The following PBX1 variants were observed in gnomAD, a reference collection of about 807,000 sequenced individuals.
The protein encoded by PBX1 is PBX homeobox 1.
Under a neutral mutation model 53.4 loss-of-function variants are expected in PBX1, and 6 were observed. The ratio of observed to expected loss-of-function variants is 0.11; its 90% CI spans 0.06 to 0.22. PBX1 has a LOEUF of 0.22. PBX1 is among the 10% of genes least tolerant of loss of function. The pLI is 1.00. For missense variants in PBX1, 251 were observed against 551.4 expected, an observed-to-expected ratio of 0.46 and a Z score of 5.46; for synonymous variants, 204 against 212.3, an observed-to-expected ratio of 0.96 and a Z score of 0.34.
chr1:164,724,405 A>G (rs542969596), intron 2 of PBX1, among the ~76,000 whole-genome samples: 6 of 152,312 alleles, frequency 3.9e-5, no homozygotes, highest in Admixed American at 2.0e-4. Context: ...CTGGGCCACA[A>G]TGGAAGAAGA....
At position 164,829,445 on chromosome 1, in the gene PBX1, A is replaced by G. The variant is rs374314159; in HGVS notation, c.1200+7819A>G. ...AAATGTTCTATTTTAGCACTGTCCA[A>G]TAAGTTAGCCTTTAGCAAAACATAG... On this transcript the variant is annotated intron_variant, in intron 8 of 8. Transcript: ENST00000420696. 7 of 152,334 alleles carry G rather than the reference A, an allele frequency of 4.6e-5. No homozygotes were observed. The East Asian group carries it at 1.3e-3, about 29-fold the overall frequency. 9.4% of individuals were successfully genotyped at this position (152,334 alleles called of 1,614,324 possible). A position where few individuals can be genotyped will look rare whatever the true frequency, so the allele number is the denominator to read the frequency against.
intron 2 of PBX1, among the ~76,000 whole-genome samples, chr1:164,654,483 G>C (rs1035610162): frequency 6.6e-6 from 1 of 151,412 alleles, no homozygotes; most frequent in Non-Finnish European, 1.5e-5. Context: ...CAGCTGGGTT[G>C]AACACATTTG....
At chr1:164,859,100 T>C (rs1257747975) in intron 2 of PBX1, among the ~76,000 whole-genome samples, 1 of 152,224 alleles carries the variant, frequency 6.6e-6, no homozygotes, top group African/African-American at 2.4e-5. Flanking sequence ...GAGCAATGGC[T>C]GAATGGAAAT....
intron 2 of PBX1, among the ~76,000 whole-genome samples, chr1:164,664,564 A>G (rs1660696375): frequency 6.6e-6 from 1 of 152,226 alleles, no homozygotes; most frequent in Admixed American, 6.5e-5. Context: ...AACTCCTATC[A>G]TATGAGACAA....
chr1:164,748,302 C>T (rs953398958), intron 2 of PBX1, among the ~76,000 whole-genome samples: 3 of 152,114 alleles, frequency 2.0e-5, no homozygotes, highest in Non-Finnish European at 2.9e-5. Flanking sequence ...TGACTTTCCT[C>T]GCCTCACGTT....
intron 2 of PBX1, among the ~76,000 whole-genome samples, chr1:164,614,521 G>T (rs188385831): frequency 6.6e-6 from 1 of 152,162 alleles, no homozygotes. Context: ...ATGTTGACAT[G>T]TGACTTGGGG....
At chr1:164,804,077 A>G (rs1480345284) in intron 4 of PBX1, among the ~76,000 whole-genome samples, 1 of 152,158 alleles carries the variant, frequency 6.6e-6, no homozygotes, top group Non-Finnish European at 1.5e-5. Flanking sequence ...AAATTTTATA[A>G]TGATTAGTGA....
intron 2 of PBX1, among the ~76,000 whole-genome samples, chr1:164,784,480 AC>A (rs1339597579): frequency 6.6e-6 from 1 of 152,226 alleles, no homozygotes; most frequent in East Asian, 1.9e-4. Flanking sequence ...CGTGACCAGA[AC>A]CGCCAAAACC....
chr1:164,611,855 T>A (rs1326290347), intron 2 of PBX1, among the ~76,000 whole-genome samples: 1 of 152,042 alleles, frequency 6.6e-6, no homozygotes, highest in Non-Finnish European at 1.5e-5. Flanking sequence ...CCACTAACAT[T>A]TCTCGCATCT....
intron 2 of PBX1, among the ~76,000 whole-genome samples, chr1:164,655,836 A>G (rs1354586184): frequency 1.3e-5 from 2 of 152,208 alleles, no homozygotes; most frequent in Non-Finnish European, 2.9e-5. Context: ...TGAAACTACT[A>G]TGATTGTCAT....
chr1:164,702,701 G>A (rs1663194248), intron 2 of PBX1, among the ~76,000 whole-genome samples: 1 of 146,712 alleles, frequency 6.8e-6, no homozygotes, highest in Admixed American at 6.7e-5. Context: ...AGGTGGTTGG[G>A]GGATGGAGAG....
chr1:164,848,139 G>A lies in PBX1; in HGVS notation c.*1463G>A. The A allele has an allele frequency of 9.5e-7, 1 of 1,050,856 alleles. No individual in the cohort carries two copies. Among genetic ancestry groups the A allele is most frequent in the Non-Finnish European group, 1.1e-6 (1 of 870,224 alleles). 65.1% of individuals were successfully genotyped at this position (1,050,856 alleles called of 1,614,324 possible). On this transcript the variant is annotated 3_prime_UTR_variant, in exon 9 of 9. Coordinates refer to ENST00000420696, the MANE Select transcript of PBX1 (RefSeq NM_002585.4). ...CCTGAGAATCATGGGGAAAGGGAAG[G>A]TAATGTTTTCATTGAAATCATCACA...
At chr1:164,766,740 T>TTTA (rs1214600513) in intron 2 of PBX1, among the ~76,000 whole-genome samples, 1 of 135,972 alleles carries the variant, frequency 7.4e-6, no homozygotes, top group Non-Finnish European at 1.6e-5. Flanking sequence ...ATTTATTTAT[T>TTTA]TTTTTTTTTT....
At chr1:164,596,299 C>T (rs193146352) in intron 2 of PBX1, among the ~76,000 whole-genome samples, 11 of 152,304 alleles carry the variant, frequency 7.2e-5, no homozygotes, top group Admixed American at 7.2e-4. Context: ...TCATTTCCTA[C>T]ATGGTAAATA....
At chr1:164,707,471 C>A (rs1007725994) in intron 2 of PBX1, among the ~76,000 whole-genome samples, 1 of 146,420 alleles carries the variant, frequency 6.8e-6, no homozygotes, top group South Asian at 2.1e-4. Flanking sequence ...GCTGAATCCC[C>A]TGTAATCCTG....
intron 2 of PBX1, among the ~76,000 whole-genome samples, chr1:164,775,064 G>A (rs1178683793): frequency 2.6e-5 from 4 of 152,188 alleles, no homozygotes; most frequent in African/African-American, 9.6e-5. Flanking sequence ...TCGCTACACC[G>A]AGGAAGCTCG....
chr1:164,800,856 T>A (rs1366978531), intron 4 of PBX1, among the ~76,000 whole-genome samples: 2 of 152,238 alleles, frequency 1.3e-5, no homozygotes, highest in Non-Finnish European at 2.9e-5. Flanking sequence ...ACATTAGATA[T>A]GTCAGGGTCA....
Position 164,827,911 on chromosome 1 carries a change from C to T in PBX1, c.1200+6285C>T, listed in dbSNP as rs372915664. On this transcript the variant is annotated intron_variant, in intron 8 of 8. Transcript: ENST00000420696. ...ACATCCAGGTCAAATTGGAGAAACT[C>T]TGATGTCAGTCAGGGTACATTTTCC... 8.5e-5 allele frequency among the ~76,000 whole-genome samples: 13 copies of T among 152,326 alleles called. No individual in the cohort carries two copies. In the South Asian group the frequency reaches 2.5e-3, roughly 29 times the overall value.
intron 2 of PBX1, among the ~76,000 whole-genome samples, chr1:164,672,271 C>T (rs1661164305): frequency 6.6e-6 from 1 of 152,106 alleles, no homozygotes; most frequent in African/African-American, 2.4e-5. Context: ...GTGGGCACTG[C>T]TCAGGGGACT....
Sources: gnomAD v4.1 joint callset for allele counts (sites outside exome capture counted in the v4.1 genomes callset) on GRCh38, gnomAD v4.1.1 for gene constraint, MANE v1.5 for transcripts, NCBI Gene and HGNC (gene_info 2026-07-23, HGNC 2026-07-21) for gene names.